The following TNN variants were observed in gnomAD, a reference collection of about 807,000 sequenced individuals.
TNN encodes the protein tenascin-N.
A neutral mutation model predicts 134.4 loss-of-function variants in TNN; 122 were observed. That is an observed-to-expected ratio of 0.91 (90% CI 0.78 to 1.06). The LOEUF is 1.06. Ranked by LOEUF, TNN falls within the 50% of genes least tolerant of loss-of-function variation. The pLI, the probability that TNN is intolerant of heterozygous loss-of-function variation, is 0.00. For missense variants in TNN, 1,739 were observed against 1,699.4 expected (o/e 1.02, Z -0.41); for synonymous variants, 710 against 670.3 (o/e 1.06, Z -0.91).
intron 5 of TNN, 122 bp from the exon 6 acceptor site, chr1:175,085,283 T>C: frequency 3.0e-6 from 2 of 667,726 alleles, no homozygotes; most frequent in Non-Finnish European, 5.4e-6. Flanking sequence ...TACAGATTCA[T>C]CTTTGGAGGA....
chr1:175,120,068 A>G (rs917962850), intron 11 of TNN, among the ~76,000 whole-genome samples: 1 of 152,226 alleles, frequency 6.6e-6, no homozygotes, highest in East Asian at 1.9e-4. Context: ...GTGGCAAGCT[A>G]TTTTGTATAG....
chr1:175,073,637 C>G (rs1673970046), intron 1 of TNN, among the ~76,000 whole-genome samples: 1 of 152,214 alleles, frequency 6.6e-6, no homozygotes, highest in Admixed American at 6.5e-5. Flanking sequence ...CCACTTCTCT[C>G]TCCTTAACAT....
chr1:175,079,837 CAG>C (rs1299594916), intron 3 of TNN, 130 bp downstream of exon 3: 1 of 1,294,044 alleles, frequency 7.7e-7, no homozygotes, highest in South Asian at 1.6e-5. Flanking sequence ...GTCCCAACCC[CAG>C]AGTTTCTGAT....
intron 1 of TNN, among the ~76,000 whole-genome samples, chr1:175,070,464 C>T (rs906320377): frequency 2.0e-5 from 3 of 152,244 alleles, no homozygotes; most frequent in South Asian, 2.1e-4. Flanking sequence ...GGTTCTAGCA[C>T]GGTGGTGTGA....
chr1:175,141,455 C>T (rs1675943327), intron 17 of TNN, among the ~76,000 whole-genome samples: 1 of 151,390 alleles, frequency 6.6e-6, no homozygotes, highest in African/African-American at 2.4e-5. Context: ...GGGTTGGGAC[C>T]AGGGATGGAT....
At chr1:175,130,777 C>G (rs74126907) in intron 15 of TNN, among the ~76,000 whole-genome samples, 8,840 of 152,232 alleles carry the variant, frequency 0.058, 464 homozygotes, top group African/African-American at 0.14. Context: ...ATCCCTGCCC[C>G]CAAGGAGCTT....
At chr1:175,128,831 T>C in intron 15 of TNN, 85 bp downstream of exon 15, 1 of 1,377,152 alleles carries the variant, frequency 7.3e-7, no homozygotes, top group Non-Finnish European at 9.6e-7. Flanking sequence ...CCATAGAGTG[T>C]TTGGAGCCCT....
At chr1:175,073,419 C>T (rs375872386) in intron 1 of TNN, among the ~76,000 whole-genome samples, 1 of 152,182 alleles carries the variant, frequency 6.6e-6, no homozygotes, top group Non-Finnish European at 1.5e-5. Flanking sequence ...CCACTCCCCC[C>T]ATCTTCTGAC....
At chr1:175,113,303 TGAA>T (rs900711698) in intron 9 of TNN, among the ~76,000 whole-genome samples, 12 of 152,224 alleles carry the variant, frequency 7.9e-5, no homozygotes, top group African/African-American at 2.9e-4. Context: ...CCCTCATTTC[TGAA>T]GAATAGACTT....
At chr1:175,117,265 G>A in intron 10 of TNN, 60 bp downstream of exon 10, 1 of 1,594,384 alleles carries the variant, frequency 6.3e-7, no homozygotes, top group East Asian at 2.2e-5. Context: ...TGGATGACAA[G>A]TTTTGTTTTC....
chr1:175,097,622 G>A lies in TNN; in HGVS notation c.1794G>A (p.Val598=), dbSNP rs199940002. The change falls in exon 8 of 19, where the codon GTG becomes GTA. Residue 598 remains valine, a synonymous_variant. Transcript: ENST00000239462. The stretch of plus-strand genomic sequence containing the variant: ...TGAGGCCAGGTGTGGAGTACACAGT[G>A]CATGTCTGGGCCCAGAAGGGGGACC... ...TGLRPGVEYT[V]HVWAQKGDRE... is the part of the protein sequence containing the mutation. 269 of 1,614,228 alleles carry A rather than the reference G, an allele frequency of 1.7e-4. 5 individuals are homozygous for A. The East Asian group carries it at 5.9e-3, about 36-fold the overall frequency.
intron 3 of TNN, 113 bp downstream of exon 3, chr1:175,079,820 T>C (rs1325355789): frequency 1.5e-6 from 2 of 1,377,224 alleles, no homozygotes; most frequent in Non-Finnish European, 1.9e-6. Context: ...CTACGCCAGA[T>C]TGCTGAGTCC....
chr1:175,091,316 G>T (rs1355839985), intron 6 of TNN, among the ~76,000 whole-genome samples: 1 of 152,224 alleles, frequency 6.6e-6, no homozygotes, highest in Non-Finnish European at 1.5e-5. Context: ...GCTTGGAGAA[G>T]TCACATCTCC....
intron 15 of TNN, 108 bp downstream of exon 15, chr1:175,128,854 C>G: frequency 4.7e-6 from 6 of 1,271,642 alleles, no homozygotes; most frequent in Non-Finnish European, 6.2e-6. Flanking sequence ...TTCTTCTCCA[C>G]CCATGGAAGA....
At chr1:175,099,510 G>A (rs981819003) in intron 9 of TNN, among the ~76,000 whole-genome samples, 21 of 151,420 alleles carry the variant, frequency 1.4e-4, no homozygotes, top group Admixed American at 4.6e-4. Flanking sequence ...AGGAGGACAA[G>A]TGAGGGGTTG....
At chr1:175,131,861 T>C (rs867100237) in intron 15 of TNN, among the ~76,000 whole-genome samples, 1 of 150,886 alleles carries the variant, frequency 6.6e-6, no homozygotes, top group East Asian at 1.9e-4. Context: ...AAAACAGTGA[T>C]GCAAAGAGCA....
chr1:175,128,870 G>GT (rs1675603139), intron 15 of TNN, 124 bp downstream of exon 15: 1 of 1,099,738 alleles, frequency 9.1e-7, no homozygotes, highest in Admixed American at 3.8e-5. Flanking sequence ...GAAGAGAGGA[G>GT]TTTTGGTGGC....
At chr1:175,096,831 G>A (rs144304411) in intron 7 of TNN, among the ~76,000 whole-genome samples, 126 of 152,310 alleles carry the variant, frequency 8.3e-4, no homozygotes, top group African/African-American at 2.8e-3. Context: ...ACCAGGAAGA[G>A]ATGGAGCCCA....
At chr1:175,129,610 A>G (rs141233202) in intron 15 of TNN, among the ~76,000 whole-genome samples, 43 of 151,974 alleles carry the variant, frequency 2.8e-4, no homozygotes, top group African/African-American at 9.7e-4. Context: ...TGACCCTCAC[A>G]CAACAGCTTT....
Sources: allele counts gnomAD v4.1 joint callset (sites outside exome capture counted in the v4.1 genomes callset), GRCh38; gene constraint gnomAD v4.1.1; transcripts MANE v1.5; gene names NCBI Gene and HGNC (gene_info 2026-07-23, HGNC 2026-07-21).